Variants in MED13L observed in about 807,000 individuals in gnomAD.
The protein encoded by MED13L is mediator of RNA polymerase II transcription subunit 13-like.
MED13L carries 7 observed loss-of-function variants against 220.9 expected under a neutral mutation model. That is an observed-to-expected ratio of 0.03 (90% CI 0.02 to 0.06). MED13L has a LOEUF of 0.06. Ranked by LOEUF, MED13L falls within the 10% of genes least tolerant of loss-of-function variation. The probability of loss-of-function intolerance (pLI) is 1.00; values close to 1 mark genes in which losing one functional copy is unlikely to be tolerated. For synonymous variants in MED13L, 1,011 were observed against 1,015.2 expected, an observed-to-expected ratio of 1.00 and a Z score of 0.08; for missense variants, 1,965 against 2,760.5, an observed-to-expected ratio of 0.71 and a Z score of 6.46.
intron 13 of MED13L, 75 bp downstream of exon 13, chr12:116,005,794 A>C (rs1566005122): frequency 1.7e-5 from 27 of 1,578,872 alleles, no homozygotes; most frequent in Non-Finnish European, 2.3e-5. Flanking sequence ...CCAAACTATA[A>C]AGAAATACTA....
chr12:115,984,012 C>T (rs1877515836), intron 20 of MED13L, among the ~76,000 whole-genome samples, 168 bp downstream of exon 20: 1 of 152,124 alleles, frequency 6.6e-6, no homozygotes, highest in Non-Finnish European at 1.5e-5. Context: ...AAATATATGT[C>T]CATATAGAAA....
At position 116,262,911 on chromosome 12, in the gene MED13L, A is replaced by C. The variant is rs1872605573; in HGVS notation, c.72+14149T>G. ...TCTCAAGTAATTTGTAGACAACTAA[A>C]GAATGTAGTCTATTTGGGATCATGA... On this transcript the variant is annotated intron_variant, in intron 1 of 30. Transcript: ENST00000281928. 3.3e-5 allele frequency among the ~76,000 whole-genome samples: 5 copies of C among 152,328 alleles called. 1 individual carries two copies. The South Asian group carries it at 1.0e-3, about 32-fold the overall frequency.
intron 14 of MED13L, 41 bp downstream of exon 14, chr12:116,002,962 G>A (rs376179923): frequency 2.8e-6 from 4 of 1,433,372 alleles, no homozygotes; most frequent in South Asian, 1.1e-5. Flanking sequence ...CTAAGTTACA[G>A]GCAGTGAGCC....
chr12:115,996,799 C>T, intron 15 of MED13L, 118 bp from the exon 16 acceptor site: 1 of 1,085,636 alleles, frequency 9.2e-7, no homozygotes, highest in Non-Finnish European at 1.4e-6. Context: ...TATTTCTCTC[C>T]TATGATCATT....
chr12:116,011,681 C>T (rs980110106), intron 9 of MED13L, among the ~76,000 whole-genome samples: 1 of 152,148 alleles, frequency 6.6e-6, no homozygotes, highest in African/African-American at 2.4e-5. Flanking sequence ...CAGAGAGAGG[C>T]TCTCACATGC....
chr12:116,062,488 GTTTTT>G (rs56251325), intron 4 of MED13L, among the ~76,000 whole-genome samples: 2 of 97,366 alleles, frequency 2.1e-5, no homozygotes, highest in Non-Finnish European at 3.9e-5. Flanking sequence ...CTCTCTCTGT[GTTTTT>G]TTTTTTTTTT....
intron 3 of MED13L, among the ~76,000 whole-genome samples, chr12:116,106,736 C>T (rs550378562): frequency 6.6e-6 from 1 of 151,558 alleles, no homozygotes; most frequent in East Asian, 1.9e-4. Context: ...ATCCCAGCTA[C>T]TGGGGAGGCT....
chr12:116,179,364 C>T lies in MED13L; in HGVS notation c.310+58104G>A, dbSNP rs574217896. ...GTGGCTCACGTCTATAACCCCAGAA[C>T]TTTTGGAGGCCAGGGCAGGAGGATC... On this transcript the variant is annotated intron_variant, in intron 2 of 30. Coordinates refer to ENST00000281928, the MANE Select transcript of MED13L (RefSeq NM_015335.5). 7.9e-5 allele frequency among the ~76,000 whole-genome samples: 12 copies of T among 152,108 alleles called. No homozygotes were observed. The South Asian group carries it at 2.3e-3, about 29-fold the overall frequency.
At chr12:115,989,115 A>C (rs1565995923) in intron 17 of MED13L, among the ~76,000 whole-genome samples, 1 of 152,066 alleles carries the variant, frequency 6.6e-6, no homozygotes, top group East Asian at 1.9e-4. Flanking sequence ...ACATACTTTT[A>C]ATTACTTCAG....
chr12:115,963,597 G>C, intron 29 of MED13L, 78 bp from the exon 30 acceptor site: 1 of 1,066,192 alleles, frequency 9.4e-7, no homozygotes, highest in Non-Finnish European at 1.4e-6. Context: ...ATGTCTGCCA[G>C]AAGCAGATGC....
At chr12:116,073,283 AG>A (rs1402395922) in intron 4 of MED13L, among the ~76,000 whole-genome samples, 1 of 152,222 alleles carries the variant, frequency 6.6e-6, no homozygotes, top group Non-Finnish European at 1.5e-5. Context: ...GAACTAGAAA[AG>A]GACAGAAAAG....
At chr12:116,040,452 A>G (rs1463933089) in intron 4 of MED13L, among the ~76,000 whole-genome samples, 1 of 152,240 alleles carries the variant, frequency 6.6e-6, no homozygotes, top group African/African-American at 2.4e-5. Context: ...AAATAATCAC[A>G]CAATCTATTT....
chr12:116,246,139 T>C (rs1176727623), intron 1 of MED13L, among the ~76,000 whole-genome samples: 3 of 150,856 alleles, frequency 2.0e-5, no homozygotes, highest in Admixed American at 1.3e-4. Context: ...CCAAACTAAA[T>C]ATTAAATGGC....
At chr12:116,067,282 A>G (rs955648513) in intron 4 of MED13L, among the ~76,000 whole-genome samples, 3 of 152,318 alleles carry the variant, frequency 2.0e-5, no homozygotes, top group Admixed American at 6.5e-5. Context: ...AAATACATCA[A>G]CTGTAGACAT....
At chr12:116,154,563 G>A (rs997716805) in intron 2 of MED13L, among the ~76,000 whole-genome samples, 1 of 152,070 alleles carries the variant, frequency 6.6e-6, no homozygotes, top group Non-Finnish European at 1.5e-5. Context: ...TCTCTGTTCA[G>A]AATGACATTC....
chr12:116,049,295 T>A (rs568366124), intron 4 of MED13L, among the ~76,000 whole-genome samples: 1 of 152,326 alleles, frequency 6.6e-6, no homozygotes, highest in African/African-American at 2.4e-5. Context: ...CCATTATGGA[T>A]GAACATATTT....
At chr12:116,207,602 T>C (rs527606561) in intron 2 of MED13L, among the ~76,000 whole-genome samples, 28 of 152,132 alleles carry the variant, frequency 1.8e-4, no homozygotes, top group Middle Eastern at 3.4e-3. Flanking sequence ...ATTCTAAGAG[T>C]GCTGTATTTA....
At chr12:116,100,180 A>G (rs944924732) in intron 3 of MED13L, among the ~76,000 whole-genome samples, 3 of 152,156 alleles carry the variant, frequency 2.0e-5, no homozygotes, top group Non-Finnish European at 4.4e-5. Flanking sequence ...GAAATGAGAG[A>G]GAAGGTGTGC....
At chr12:116,271,551 G>A (rs1873347908) in intron 1 of MED13L, among the ~76,000 whole-genome samples, 2 of 151,648 alleles carry the variant, frequency 1.3e-5, no homozygotes, top group Non-Finnish European at 2.9e-5. Flanking sequence ...GCACGAACCC[G>A]GGAGGCGGAG....
Sources: gnomAD v4.1 joint callset for allele counts (sites outside exome capture counted in the v4.1 genomes callset) on GRCh38, gnomAD v4.1.1 for gene constraint, MANE v1.5 for transcripts, NCBI Gene and HGNC (gene_info 2026-07-23, HGNC 2026-07-21) for gene names.